Variants in TBC1D5 observed in about 807,000 individuals in gnomAD.
TBC1D5 encodes the protein TBC1 domain family member 5.
TBC1D5 carries 75 observed loss-of-function variants against 100.3 expected under a neutral mutation model. The observed-to-expected ratio is 0.75, with a 90% CI of 0.62 to 0.91. The LOEUF is 0.91. TBC1D5 is among the 40% of genes least tolerant of loss of function. The pLI is 0.00. For missense variants in TBC1D5, 910 were observed against 942.4 expected (o/e 0.97, Z 0.45); for synonymous variants, 323 against 325.6 (o/e 0.99, Z 0.09).
chr3:17,504,738 A>G (rs1435006920), intron 3 of TBC1D5, among the ~76,000 whole-genome samples: 1 of 152,226 alleles, frequency 6.6e-6, no homozygotes, highest in African/African-American at 2.4e-5. Context: ...AGTAGGGTTT[A>G]TAGTACTTCA....
At chr3:17,621,330 G>A (rs2062640809) in intron 2 of TBC1D5, among the ~76,000 whole-genome samples, 1 of 152,174 alleles carries the variant, frequency 6.6e-6, no homozygotes, top group Non-Finnish European at 1.5e-5. Flanking sequence ...AGACCCAGTA[G>A]CAATCAACAC....
chr3:17,281,164 C>T (rs1342312726), intron 15 of TBC1D5, among the ~76,000 whole-genome samples: 1 of 152,220 alleles, frequency 6.6e-6, no homozygotes, highest in Non-Finnish European at 1.5e-5. Context: ...CCCATTCATA[C>T]ATCTTTACGT....
chr3:17,305,910 TG>T (rs890520632), intron 14 of TBC1D5, among the ~76,000 whole-genome samples: 20 of 152,204 alleles, frequency 1.3e-4, no homozygotes, highest in African/African-American at 4.8e-4. Flanking sequence ...GCTGCTAAAG[TG>T]ATCTACAAGT....
At chr3:17,633,636 G>A (rs2063671246) in intron 1 of TBC1D5, among the ~76,000 whole-genome samples, 1 of 152,146 alleles carries the variant, frequency 6.6e-6, no homozygotes, top group Non-Finnish European at 1.5e-5. Flanking sequence ...TACCCTTAAA[G>A]AGGTCGGCAT....
intron 13 of TBC1D5, among the ~76,000 whole-genome samples, chr3:17,362,763 C>A (rs1039243978): frequency 1.3e-5 from 2 of 152,118 alleles, no homozygotes; most frequent in African/African-American, 2.4e-5. Context: ...TGAGCCACTG[C>A]GCAAGGCTCT....
chr3:17,693,281 T>C (rs1045382012), intron 1 of TBC1D5, among the ~76,000 whole-genome samples: 9 of 152,200 alleles, frequency 5.9e-5, no homozygotes, highest in East Asian at 1.9e-4. Flanking sequence ...GGGTGGGGCA[T>C]TGACTCAACC....
chr3:17,472,851 T>A (rs990384150), intron 3 of TBC1D5, among the ~76,000 whole-genome samples: 1 of 152,230 alleles, frequency 6.6e-6, no homozygotes, highest in Non-Finnish European at 1.5e-5. Flanking sequence ...AGACAGCTAG[T>A]ACTGAATATC....
intron 1 of TBC1D5, among the ~76,000 whole-genome samples, chr3:17,680,580 A>C (rs2069315448): frequency 6.6e-6 from 1 of 151,316 alleles, no homozygotes; most frequent in African/African-American, 2.5e-5. Flanking sequence ...ATACTCATTT[A>C]GATAGCCAAA....
chr3:17,645,820 T>C (rs990404756), intron 1 of TBC1D5, among the ~76,000 whole-genome samples: 3 of 152,068 alleles, frequency 2.0e-5, no homozygotes, highest in African/African-American at 7.2e-5. Flanking sequence ...CTCTTTCCCC[T>C]TCCCCCCTAC....
At chr3:17,456,561 C>G (rs550733842) in intron 3 of TBC1D5, among the ~76,000 whole-genome samples, 1 of 152,138 alleles carries the variant, frequency 6.6e-6, no homozygotes, top group South Asian at 2.1e-4. Flanking sequence ...GTTCAACATA[C>G]CGATCATCAG....
intron 1 of TBC1D5, among the ~76,000 whole-genome samples, chr3:17,661,603 C>A (rs554605509): frequency 4.6e-5 from 7 of 151,400 alleles, no homozygotes; most frequent in African/African-American, 1.5e-4. Flanking sequence ...CAGGTTCAAG[C>A]GATTCCCCTG....
Position 17,631,059 on chromosome 3 carries a change from A to AG in TBC1D5, c.-100-7147_-100-7146insC, listed in dbSNP as rs1553888486. Among the ~76,000 whole-genome samples, 148 of 133,362 alleles carry AG rather than the reference A, an allele frequency of 1.1e-3. 5 individuals carry two copies. The highest frequency in any genetic ancestry group is 3.9e-3 in the African/African-American group (139 of 35,236). 87.5% of individuals were successfully genotyped at this position (133,362 alleles called of 152,430 possible). On this transcript the variant is annotated intron_variant, in intron 1 of 21. Coordinates refer to ENST00000253692, the Ensembl canonical transcript of TBC1D5. ...ACTCCGTCTCAAAAAAAAAAAAAAA[A>AG]AAAGTTAGGCCTCCTGAACCAAAAA...
chr3:17,300,147 C>A (rs1049273801), intron 14 of TBC1D5, among the ~76,000 whole-genome samples: 1 of 152,034 alleles, frequency 6.6e-6, no homozygotes, highest in Admixed American at 6.5e-5. Context: ...GTAGTATAAA[C>A]GGTGTTTGTA....
At chr3:17,481,385 C>G (rs917138916) in intron 3 of TBC1D5, among the ~76,000 whole-genome samples, 2 of 152,190 alleles carry the variant, frequency 1.3e-5, no homozygotes, top group African/African-American at 4.8e-5. Context: ...ACAAGTCCAG[C>G]AGGCACAAGC....
intron 3 of TBC1D5, among the ~76,000 whole-genome samples, chr3:17,507,502 G>A (rs938061709): frequency 4.6e-5 from 7 of 152,216 alleles, no homozygotes; most frequent in African/African-American, 1.7e-4. Flanking sequence ...TAAAGAAATA[G>A]CCACTTTAGG....
intron 2 of TBC1D5, among the ~76,000 whole-genome samples, chr3:17,597,791 C>T (rs2060667343): frequency 6.6e-6 from 1 of 152,200 alleles, no homozygotes; most frequent in South Asian, 2.1e-4. Flanking sequence ...TTAGATCCCA[C>T]ACTACCCTAA....
At chr3:17,612,299 C>CAAA (rs111532896) in intron 2 of TBC1D5, among the ~76,000 whole-genome samples, 3 of 61,014 alleles carry the variant, frequency 4.9e-5, no homozygotes, top group East Asian at 6.9e-4. Context: ...GACACCGTCT[C>CAAA]AAAAAAAAAA....
In TBC1D5 at chr3:17,712,237, T is replaced by G. The variant is rs180885203; in HGVS notation, c.-101+27106A>C. ...ATAACAGAAACCCACACAAAGTTGC[T>G]TAGCCCAAAGTGACAACTTTTATTA... is the stretch of plus-strand genomic sequence containing the variant. On this transcript the variant is annotated intron_variant, in intron 1 of 21. Coordinates refer to ENST00000253692, the Ensembl canonical transcript of TBC1D5. Among the ~76,000 whole-genome samples, 5 of 152,288 alleles carry G rather than the reference T, an allele frequency of 3.3e-5. No homozygotes were observed. The East Asian group carries it at 9.7e-4, about 29-fold the overall frequency.
At chr3:17,294,399 T>G (rs981424338) in intron 14 of TBC1D5, among the ~76,000 whole-genome samples, 1 of 152,064 alleles carries the variant, frequency 6.6e-6, no homozygotes, top group Non-Finnish European at 1.5e-5. Context: ...AATTTTTAAG[T>G]TTTTTGAAGA....
Sources: allele counts gnomAD v4.1 joint callset (sites outside exome capture counted in the v4.1 genomes callset), GRCh38; gene constraint gnomAD v4.1.1; transcripts MANE v1.5; gene names NCBI Gene and HGNC (gene_info 2026-07-23, HGNC 2026-07-21).